AVEN: variants seen among roughly 807,000 people sequenced by gnomAD.
The protein encoded by AVEN is apoptosis and caspase activation inhibitor.
A neutral mutation model predicts 38.1 loss-of-function variants in AVEN; 41 were observed. The observed-to-expected ratio is 1.08, with a 90% confidence interval of 0.84 to 1.40. The LOEUF (loss-of-function observed/expected upper bound fraction) is 1.40, where lower values mean the gene tolerates loss of function less well. Ranked by LOEUF, AVEN falls within the 40% of genes most tolerant of loss-of-function variation. The pLI is 0.00. For synonymous variants in AVEN, 206 were observed against 171.8 expected, an observed-to-expected ratio of 1.20 and a Z score of -1.56; for missense variants, 605 against 438.8, an observed-to-expected ratio of 1.38 and a Z score of -3.38.
At chr15:33,904,726 C>CACACACAT (rs746434314) in intron 2 of AVEN, among the ~76,000 whole-genome samples, 8,092 of 149,274 alleles carry the variant, frequency 0.054, 290 homozygotes, top group Middle Eastern at 0.083. Flanking sequence ...TACACACACA[C>CACACACAT]ACGAATATGC....
At chr15:33,860,501 T>C in intron 11 of AVEN, 1 of 697,090 alleles carries the variant, frequency 1.4e-6, no homozygotes, top group Non-Finnish European at 2.3e-6. Context: ...ATTCACTTTT[T>C]TTTTTTAACA....
At chr15:34,000,540 T>C (rs1897098602) in intron 2 of AVEN, among the ~76,000 whole-genome samples, 1 of 152,220 alleles carries the variant, frequency 6.6e-6, no homozygotes, top group African/African-American at 2.4e-5. Context: ...GAACCAACAA[T>C]ATTTTTTCTC....
intron 2 of AVEN, among the ~76,000 whole-genome samples, chr15:33,997,274 C>T (rs1031061747): frequency 6.6e-6 from 1 of 152,092 alleles, no homozygotes; most frequent in African/African-American, 2.4e-5. Flanking sequence ...CCTGCAAACA[C>T]AAATATCAAA....
At chr15:33,912,584 A>T (rs1892955905) in intron 2 of AVEN, among the ~76,000 whole-genome samples, 2 of 152,168 alleles carry the variant, frequency 1.3e-5, no homozygotes, top group Admixed American at 6.5e-5. Context: ...ATCCCTCTCA[A>T]AGAGGATACT....
chr15:33,874,688 A>G (rs1438356673), intron 3 of AVEN, among the ~76,000 whole-genome samples: 2 of 152,244 alleles, frequency 1.3e-5, no homozygotes, highest in Non-Finnish European at 2.9e-5. Context: ...TAAGGGGCTT[A>G]GAGCAATGAA....
intron 2 of AVEN, among the ~76,000 whole-genome samples, chr15:33,984,074 G>C (rs1385782541): frequency 6.6e-6 from 1 of 152,070 alleles, no homozygotes; most frequent in Non-Finnish European, 1.5e-5. Context: ...ATGTAATGTG[G>C]TATCCTGAGT....
chr15:33,852,924 T>G, the AVEN span: 3 of 804,794 alleles, frequency 3.7e-6, no homozygotes, highest in South Asian at 4.8e-5. Context: ...TTAAAATTCT[T>G]TGGTGAGCAG....
intron 2 of AVEN, among the ~76,000 whole-genome samples, chr15:33,901,025 G>C (rs1892476806): frequency 6.6e-6 from 1 of 152,162 alleles, no homozygotes; most frequent in South Asian, 2.1e-4. Context: ...CCAGGACTTT[G>C]GGAGGCCAAG....
downstream of AVEN, among the ~76,000 whole-genome samples, chr15:33,855,678 A>C (rs995150273): frequency 1.3e-5 from 2 of 151,938 alleles, no homozygotes; most frequent in East Asian, 3.9e-4. Context: ...TTTCAGATAC[A>C]CACACACATA....
chr15:33,852,503 A>G, the AVEN span: 2 of 155,676 alleles, frequency 1.3e-5, no homozygotes, highest in Admixed American at 1.2e-4. Context: ...GTGGGAATAG[A>G]AAATAGAGTG....
At chr15:34,030,520 GTAT>G (rs1898735155) in intron 1 of AVEN, among the ~76,000 whole-genome samples, 1 of 151,936 alleles carries the variant, frequency 6.6e-6, no homozygotes, top group Non-Finnish European at 1.5e-5. Context: ...TAATTTTTTT[GTAT>G]TTTTAGTAGA....
chr15:34,057,959 A>G (rs551966793), intron 5 of AVEN, among the ~76,000 whole-genome samples: 1 of 152,100 alleles, frequency 6.6e-6, no homozygotes, highest in South Asian at 2.1e-4. Context: ...AGAGAGAGAG[A>G]TTTATTTTTA....
At chr15:33,871,714 A>G (rs1371385427) in intron 3 of AVEN, among the ~76,000 whole-genome samples, 1 of 146,910 alleles carries the variant, frequency 6.8e-6, no homozygotes, top group East Asian at 2.2e-4. Context: ...GGAAAGGGCT[A>G]TTTAGGCAGT....
rs757238065 is a variant in AVEN at position 33,867,787 on chromosome 15, C to A, written c.681G>T (p.Met227Ile). The A allele has an allele frequency of 6.2e-7, 1 of 1,613,932 alleles. No homozygotes were observed. The highest frequency in any genetic ancestry group is 8.5e-7 in the Non-Finnish European group (1 of 1,179,880). The change falls in exon 5 of 6, where the codon ATG becomes ATT. Residue 227 changes from methionine to isoleucine, a missense_variant. Coordinates refer to ENST00000306730, the MANE Select transcript of AVEN (RefSeq NM_020371.3). The part of the protein sequence containing the change: ...KRTDDGKGLG[M>I]QLKGPLGPGG... ...CAGGCCCCAAGGGCCCCTTTAACTG[C>A]ATCCCTAATCCCTTGCCATCATCAG...
At chr15:34,055,058 G>A (rs1015705524) in intron 5 of AVEN, among the ~76,000 whole-genome samples, 6 of 151,632 alleles carry the variant, frequency 4.0e-5, no homozygotes, top group Admixed American at 2.0e-4. Context: ...TGGGCATGGT[G>A]GCACATGCCT....
intron 2 of AVEN, chr15:34,066,843 A>G (rs566265264): frequency 1.7e-4 from 26 of 152,090 alleles, no homozygotes; most frequent in African/African-American, 4.8e-4. Flanking sequence ...AGAGAGGTCA[A>G]TGCTTCTTTT....
At chr15:33,984,286 A>G (rs1285222661) in intron 2 of AVEN, among the ~76,000 whole-genome samples, 5 of 152,144 alleles carry the variant, frequency 3.3e-5, no homozygotes, top group African/African-American at 1.2e-4. Context: ...AGTATTAGAA[A>G]ATAAAAAGTT....
intron 2 of AVEN, among the ~76,000 whole-genome samples, chr15:33,962,402 GT>G (rs1895224200): frequency 1.3e-5 from 2 of 152,084 alleles, no homozygotes; most frequent in South Asian, 4.2e-4. Flanking sequence ...TCCAGCCACA[GT>G]TACTCAAGCC....
intron 2 of AVEN, among the ~76,000 whole-genome samples, chr15:33,982,148 T>G (rs1440895156): frequency 6.6e-6 from 1 of 152,100 alleles, no homozygotes; most frequent in East Asian, 1.9e-4. Context: ...ATTACAGGCA[T>G]GAACCACCAC....
Sources: allele counts gnomAD v4.1 joint callset (sites outside exome capture counted in the v4.1 genomes callset), GRCh38; gene constraint gnomAD v4.1.1; transcripts MANE v1.5; gene names NCBI Gene and HGNC (gene_info 2026-07-23, HGNC 2026-07-21).